The following CAPRIN1 variants were observed in gnomAD, a reference collection of about 807,000 sequenced individuals.
CAPRIN1 encodes the protein cell cycle associated protein 1.
A neutral mutation model predicts 100.9 loss-of-function variants in CAPRIN1; 29 were observed. That is an observed-to-expected ratio of 0.29 (90% CI 0.21 to 0.39). CAPRIN1 has a LOEUF of 0.39. Among genes scored for constraint, CAPRIN1 ranks in the 10% least tolerant of loss-of-function variants. The probability of loss-of-function intolerance (pLI) is 1.00; values close to 1 mark genes in which losing one functional copy is unlikely to be tolerated. For synonymous variants in CAPRIN1, 338 were observed against 307.5 expected (o/e 1.10, Z -1.04); for missense variants, 795 against 876.7 (o/e 0.91, Z 1.18).
chr11:34,099,221 T>G, intron 18 of CAPRIN1, 82 bp from the exon 19 acceptor site: 2 of 1,571,124 alleles, frequency 1.3e-6, no homozygotes, highest in Non-Finnish European at 1.7e-6. Context: ...CCCACATGCT[T>G]CTTGACTTCA....
intron 15 of CAPRIN1, 38 bp from the exon 16 acceptor site, chr11:34,096,441 C>G (rs1158449819): frequency 6.8e-7 from 1 of 1,476,934 alleles, no homozygotes; most frequent in Non-Finnish European, 9.4e-7. Flanking sequence ...CGGTAATGAG[C>G]TGTTTATGTA....
intron 14 of CAPRIN1, 125 bp downstream of exon 14, chr11:34,090,803 T>A (rs1851249205): frequency 1.3e-6 from 1 of 751,532 alleles, no homozygotes; most frequent in Non-Finnish European, 2.1e-6. Flanking sequence ...CTGTAGGGTA[T>A]ATTTAATTGA....
At chr11:34,076,180 T>C (rs1850902807) in intron 4 of CAPRIN1, 56 bp from the exon 5 acceptor site, 12 of 1,297,012 alleles carry the variant, frequency 9.3e-6, no homozygotes, top group Non-Finnish European at 1.2e-5. Context: ...CTGAAATGGA[T>C]TGAACTAAGT....
In CAPRIN1 at chr11:34,100,340, T is replaced by G. The variant is rs1183965871; in HGVS notation, c.*973T>G. On this transcript the variant is annotated 3_prime_UTR_variant, in exon 19 of 19. Transcript: ENST00000341394. ...TTTCCTTCAGCTTGAAAGCTTTTTT[T>G]TAAAAGGAAAAGATACCAAATGCCT... is the stretch of plus-strand genomic sequence containing the variant. 6.6e-6 allele frequency: 1 copy of G among 152,158 alleles called. No individual in the cohort carries two copies. The highest frequency in any genetic ancestry group is 1.5e-5 in the Non-Finnish European group (1 of 68,024). 9.4% of individuals were successfully genotyped at this position (152,158 alleles called of 1,614,324 possible). A position where few individuals can be genotyped will look rare whatever the true frequency, so the allele number is the denominator to read the frequency against.
intron 17 of CAPRIN1, 140 bp from the exon 18 acceptor site, chr11:34,097,557 CA>C (rs1297872667): frequency 4.8e-6 from 4 of 838,168 alleles, no homozygotes; most frequent in Non-Finnish European, 5.7e-6. Flanking sequence ...AATTACAGAA[CA>C]AGGTGTAGCT....
intron 2 of CAPRIN1, chr11:34,053,179 T>C: frequency 1.0e-6 from 1 of 985,816 alleles, no homozygotes; most frequent in Non-Finnish European, 1.2e-6. Context: ...GTGTTTAGAA[T>C]CTTAAGGTAG....
chr11:34,053,035 G>T (rs1850363393), intron 2 of CAPRIN1: 1 of 1,039,420 alleles, frequency 9.6e-7, no homozygotes, highest in African/African-American at 1.8e-5. Context: ...GTCCCTGCGC[G>T]GGGGGCTCCG....
chr11:34,060,772 A>G (rs1850561085), intron 2 of CAPRIN1, among the ~76,000 whole-genome samples: 1 of 152,216 alleles, frequency 6.6e-6, no homozygotes, highest in Non-Finnish European at 1.5e-5. Flanking sequence ...ACGAAAAAGT[A>G]TTAAAACAGT....
At chr11:34,092,764 C>T (rs1374700154) in intron 15 of CAPRIN1, among the ~76,000 whole-genome samples, 8 of 152,164 alleles carry the variant, frequency 5.3e-5, no homozygotes, top group South Asian at 4.1e-4. Context: ...GGCTGCATTT[C>T]GTGGACTGGG....
intron 12 of CAPRIN1, among the ~76,000 whole-genome samples, chr11:34,089,747 C>A (rs2134129825): frequency 6.6e-6 from 1 of 152,264 alleles, no homozygotes; most frequent in Non-Finnish European, 1.5e-5. Flanking sequence ...TTGTGGATAG[C>A]TGTCAGCCTT....
intron 2 of CAPRIN1, among the ~76,000 whole-genome samples, chr11:34,065,024 A>C (rs6484695): frequency 0.88 from 129,218 of 146,308 alleles, 57,145 homozygotes; most frequent in East Asian, 1. Context: ...CAGGGGCGCT[A>C]TCTCGGCTCA....
rs1850607340 is a variant in CAPRIN1 at position 34,062,728 on chromosome 11, T to G, written c.217-8998T>G. On this transcript the variant is annotated intron_variant, in intron 2 of 18. Transcript: ENST00000341394. The stretch of plus-strand genomic sequence containing the variant: ...GTTGGTACAGTACTCTAGAAGTGAT[T>G]TATTTGGCCTGGATACATAAAGTAT... Among the ~76,000 whole-genome samples the G allele has an allele frequency of 3.9e-5, 6 of 152,128 alleles. No homozygotes were observed. In the South Asian group the frequency reaches 1.2e-3, roughly 31 times the overall value.
rs567225774 is a variant in CAPRIN1, at chr11:34,076,078, G to T, written c.367-158G>T. On this transcript the variant is annotated intron_variant, in intron 4 of 18. Transcript: ENST00000341394. ...TTAACAATTGCTTAAAATAGATTAT[G>T]TTTAAAACTATTTGTAAGTCAGGAA... Among the ~76,000 whole-genome samples, 15 of 152,192 alleles carry T rather than the reference G, an allele frequency of 9.9e-5. No homozygotes were observed. In the South Asian group the frequency reaches 2.9e-3, roughly 29 times the overall value.
chr11:34,093,338 C>T (rs967588100), intron 15 of CAPRIN1, among the ~76,000 whole-genome samples: 2 of 151,992 alleles, frequency 1.3e-5, no homozygotes, highest in Non-Finnish European at 2.9e-5. Context: ...GCTTGGACTG[C>T]AGGCTTTTCT....
intron 15 of CAPRIN1, among the ~76,000 whole-genome samples, chr11:34,093,806 T>G (rs1253738176): frequency 1.7e-5 from 2 of 120,608 alleles, no homozygotes; most frequent in Admixed American, 1.6e-4. Context: ...TTTTTTTTTG[T>G]ATTTTTAGTA....
intron 2 of CAPRIN1, 41 bp downstream of exon 2, chr11:34,052,677 G>GGGCTCTGCGGCCC (rs1565078824): frequency 1.3e-6 from 2 of 1,553,162 alleles, no homozygotes; most frequent in Non-Finnish European, 1.8e-6. Flanking sequence ...GGCTGCGGCC[G>GGGCTCTGCGGCCC]GGCTCTGCGG....
intron 2 of CAPRIN1, among the ~76,000 whole-genome samples, chr11:34,063,568 AC>A (rs1362047186): frequency 1.3e-5 from 2 of 152,102 alleles, no homozygotes; most frequent in Non-Finnish European, 2.9e-5. Flanking sequence ...GTACCACATG[AC>A]TCTGACATCT....
chr11:34,079,905 GTT>G (rs377455073), intron 7 of CAPRIN1, 140 bp downstream of exon 7: 3 of 316,640 alleles, frequency 9.5e-6, no homozygotes, highest in African/African-American at 8.7e-5. Context: ...GCATGACAAA[GTT>G]TTTTTTTTTT....
At chr11:34,092,892 G>T (rs1332947466) in intron 15 of CAPRIN1, among the ~76,000 whole-genome samples, 1 of 152,040 alleles carries the variant, frequency 6.6e-6, no homozygotes, top group Non-Finnish European at 1.5e-5. Flanking sequence ...TCACTTTGTT[G>T]CCCGGGCTGG....
Sources: allele counts gnomAD v4.1 joint callset (sites outside exome capture counted in the v4.1 genomes callset), GRCh38; gene constraint gnomAD v4.1.1; transcripts MANE v1.5; gene names NCBI Gene and HGNC (gene_info 2026-07-23, HGNC 2026-07-21).